POU2F2: variants seen among roughly 807,000 people sequenced by gnomAD.
POU2F2 encodes the protein POU class 2 homeobox 2.
A neutral mutation model predicts 63.5 loss-of-function variants in POU2F2; 14 were observed. That is an observed-to-expected ratio of 0.22 (90% CI 0.15 to 0.34). The LOEUF is 0.34. Among genes scored for constraint, POU2F2 ranks in the 10% least tolerant of loss-of-function variants. The pLI is 1.00. For missense variants in POU2F2, 607 were observed against 815.2 expected (o/e 0.74, Z 3.11); for synonymous variants, 306 against 348.6 (o/e 0.88, Z 1.36).
intron 2 of POU2F2, among the ~76,000 whole-genome samples, chr19:42,145,213 T>C (rs766822117): frequency 2.6e-5 from 4 of 152,266 alleles, no homozygotes; most frequent in Non-Finnish European, 5.9e-5. Context: ...TTGTCATTGC[T>C]AAAAGCACAG....
chr19:42,188,708 A>G (rs1164530657), intron 1 of POU2F2, among the ~76,000 whole-genome samples: 1 of 134,706 alleles, frequency 7.4e-6, no homozygotes. Context: ...AAAGAAAGAC[A>G]GAGAGAGGGA....
In POU2F2 at chr19:42,152,007, G is replaced by A. The variant is rs1034961497; in HGVS notation, c.-9+8325C>T. On this transcript the variant is annotated intron_variant, in intron 2 of 6. Transcript: ENST00000524801. The surrounding 1 kb of genome is among the most constrained non-coding windows in gnomAD (Gnocchi z 4.1). ...TGAGTACCTGGCTAGCGGTGGCTGG[G>A]GAAGAGGCCTTCAGACAGTTTTCCC... 6.6e-6 allele frequency among the ~76,000 whole-genome samples: 1 copy of A among 152,170 alleles called. No individual in the cohort carries two copies. The highest frequency in any genetic ancestry group is 2.4e-5 in the African/African-American group (1 of 41,428).
Position 42,122,593 on chromosome 19 carries a change from A to G in POU2F2, c.29-17T>C. 2 of 1,553,382 alleles carry G rather than the reference A, an allele frequency of 1.3e-6. No individual in the cohort carries two copies. The highest frequency in any genetic ancestry group is 2.3e-5 in the East Asian group (1 of 44,058). On this transcript the variant is annotated splice_polypyrimidine_tract_variant and intron_variant, in intron 1 of 14. Transcript: ENST00000692977. ...TTCTTATTTCTGGGGACAGAGGAGG[A>G]ATGGAAGTGGGGTGAAGGAGGGGAA... is the stretch of plus-strand genomic sequence containing the variant.
chr19:42,143,134 G>A (rs1343057561), intron 2 of POU2F2, among the ~76,000 whole-genome samples: 1 of 152,118 alleles, frequency 6.6e-6, no homozygotes, highest in Admixed American at 6.6e-5. Context: ...GGGAGACTGA[G>A]GCTGGGTCAC....
chr19:42,190,910 G>A (rs1030695910), intron 1 of POU2F2, among the ~76,000 whole-genome samples: 2 of 151,878 alleles, frequency 1.3e-5, no homozygotes, highest in African/African-American at 4.8e-5. Flanking sequence ...GGTTAAGTGT[G>A]TAACCTGAAA....
At position 42,087,778 on chromosome 19, in the gene POU2F2, A is replaced by G. The variant is rs1312059432; in HGVS notation, c.*3479T>C. 1.3e-5 allele frequency: 2 copies of G among 151,904 alleles called. No homozygotes were observed. The highest frequency in any genetic ancestry group is 2.9e-5 in the Non-Finnish European group (2 of 68,036). The allele number at this position is 151,904 out of a possible 1,614,324, so 9.4% of individuals were successfully genotyped here. Reference sequence around the variant, plus strand: ...AGGCCCTTGGCCCCCAACCTCGGACATCTAACCTAGCCCATAGCCTAGCCT... The same window carrying G: ...AGGCCCTTGGCCCCCAACCTCGGACGTCTAACCTAGCCCATAGCCTAGCCT... On this transcript the variant is annotated 3_prime_UTR_variant, in exon 15 of 15. Coordinates refer to ENST00000692977, the MANE Select transcript of POU2F2 (RefSeq NM_001394376.1).
At chr19:42,178,409 T>A (rs747861885), upstream of POU2F2, among the ~76,000 whole-genome samples, 1 of 151,942 alleles carries the variant, frequency 6.6e-6, no homozygotes, top group Non-Finnish European at 1.5e-5. Flanking sequence ...AGGAGAAAGC[T>A]ACACGCAAAG....
At chr19:42,164,944 A>G (rs1212218784) in intron 1 of POU2F2, among the ~76,000 whole-genome samples, 1 of 151,080 alleles carries the variant, frequency 6.6e-6, no homozygotes, top group Non-Finnish European at 1.5e-5. Context: ...CCTGGGTGAC[A>G]GGCTATCTCA....
intron 2 of POU2F2, among the ~76,000 whole-genome samples, chr19:42,158,255 C>T (rs1350134362): frequency 1.3e-5 from 2 of 152,178 alleles, no homozygotes; most frequent in Non-Finnish European, 2.9e-5. Context: ...TATTGAAAAA[C>T]CAACAAGTGG....
intron 2 of POU2F2, among the ~76,000 whole-genome samples, chr19:42,138,795 A>G (rs1312879180): frequency 6.6e-6 from 1 of 152,056 alleles, no homozygotes; most frequent in Non-Finnish European, 1.5e-5. Flanking sequence ...TGAGAAGGGA[A>G]GCAGGGGGAA....
chr19:42,132,694 C>A, upstream of POU2F2: 1 of 386,612 alleles, frequency 2.6e-6, no homozygotes, highest in Non-Finnish European at 4.6e-6. Context: ...AACAGTTGCC[C>A]CCCGACTTCT....
intron 1 of POU2F2, 42 bp downstream of exon 1, chr19:42,132,342 T>C (rs2033827104): frequency 6.3e-7 from 1 of 1,585,852 alleles, no homozygotes; most frequent in Non-Finnish European, 8.6e-7. Flanking sequence ...CTAAATGTGC[T>C]GCCTGTCCTC....
At chr19:42,173,377 C>T (rs932593748) in intron 1 of POU2F2, among the ~76,000 whole-genome samples, 1 of 152,114 alleles carries the variant, frequency 6.6e-6, no homozygotes, top group Non-Finnish European at 1.5e-5. Flanking sequence ...TGCCTCTACA[C>T]ATTATGATTA....
At chr19:42,131,858 T>C (rs1282935355) in intron 1 of POU2F2, among the ~76,000 whole-genome samples, 3 of 151,618 alleles carry the variant, frequency 2.0e-5, no homozygotes, top group African/African-American at 4.9e-5. Context: ...AGCCAGGCAA[T>C]CATCACCCCA....
chr19:42,097,830 A>C (rs1323724606), intron 7 of POU2F2, among the ~76,000 whole-genome samples: 1 of 152,200 alleles, frequency 6.6e-6, no homozygotes, highest in Non-Finnish European at 1.5e-5. Flanking sequence ...AAATGTTAAA[A>C]GATACAAGTG....
intron 1 of POU2F2, among the ~76,000 whole-genome samples, chr19:42,185,619 T>C (rs999169662): frequency 1.1e-4 from 16 of 152,170 alleles, no homozygotes; most frequent in Non-Finnish European, 2.2e-4. Context: ...CCCTTCTCAC[T>C]CTTGTCCCCC....
chr19:42,117,593 G>C lies in POU2F2; in HGVS notation c.187-161C>G, dbSNP rs1301344371. On this transcript the variant is annotated intron_variant, in intron 4 of 14. Coordinates refer to ENST00000692977, the MANE Select transcript of POU2F2 (RefSeq NM_001394376.1). This position sits in a 1 kb window ranked among gnomAD's most constrained non-coding sequence, Gnocchi z 4.4. Reference sequence around the variant, plus strand: ...CCTCAGTTTCCTCATCAATCAGATAGGGCTAACACAACACCTGCACCCAAA... The same window carrying C: ...CCTCAGTTTCCTCATCAATCAGATACGGCTAACACAACACCTGCACCCAAA... Among the ~76,000 whole-genome samples, 1 of 152,112 alleles carries C rather than the reference G, an allele frequency of 6.6e-6. No homozygotes were observed. The highest frequency in any genetic ancestry group is 1.5e-5 in the Non-Finnish European group (1 of 68,026).
intron 1 of POU2F2, among the ~76,000 whole-genome samples, chr19:42,182,695 C>T (rs946340557): frequency 6.6e-6 from 1 of 152,116 alleles, no homozygotes; most frequent in Non-Finnish European, 1.5e-5. Flanking sequence ...CCAGCTGTCT[C>T]CATCATCCTA....
At chr19:42,154,745 G>A (rs987747665) in intron 2 of POU2F2, among the ~76,000 whole-genome samples, 1 of 151,584 alleles carries the variant, frequency 6.6e-6, no homozygotes, top group Non-Finnish European at 1.5e-5. Flanking sequence ...AGGGGATCAC[G>A]TCCAAAGTGA....
Sources: allele counts gnomAD v4.1 joint callset (sites outside exome capture counted in the v4.1 genomes callset), GRCh38; gene constraint gnomAD v4.1.1; non-coding constraint Gnocchi (gnomAD v3.1); transcripts MANE v1.5; gene names NCBI Gene and HGNC (gene_info 2026-07-23, HGNC 2026-07-21).